ZC3H11A: variants seen among roughly 807,000 people sequenced by gnomAD.
ZC3H11A encodes zinc finger CCCH domain-containing protein 11A.
In ZC3H11A, 22 loss-of-function variants were observed where a neutral mutation model predicts 90.8. The observed-to-expected ratio is 0.24, with a 90% CI of 0.17 to 0.35. The LOEUF (loss-of-function observed/expected upper bound fraction) is 0.35, where lower values mean the gene tolerates loss of function less well. Among genes scored for constraint, ZC3H11A ranks in the 10% least tolerant of loss-of-function variants. ZC3H11A has a pLI of 1.00. For synonymous variants in ZC3H11A, 294 were observed against 339.8 expected, an observed-to-expected ratio of 0.87 and a Z score of 1.48; for missense variants, 701 against 964.9, an observed-to-expected ratio of 0.73 and a Z score of 3.62.
intron 1 of ZC3H11A, chr1:203,799,923 A>G: frequency 6.5e-7 from 1 of 1,536,150 alleles, no homozygotes; most frequent in Non-Finnish European, 8.7e-7. Context: ...AGAGGTCTGT[A>G]ATTATATGGA....
At chr1:203,810,150 T>G (rs1171776195) in intron 2 of ZC3H11A, among the ~76,000 whole-genome samples, 4 of 147,754 alleles carry the variant, frequency 2.7e-5, no homozygotes, top group Non-Finnish European at 4.5e-5. Flanking sequence ...TTGTTTTTTG[T>G]TTTTTTTTTA....
intron 16 of ZC3H11A, 85 bp downstream of exon 16, chr1:203,850,766 G>A (rs901786739): frequency 3.3e-6 from 5 of 1,517,110 alleles, no homozygotes; most frequent in Non-Finnish European, 3.6e-6. Flanking sequence ...ATTCTATCTT[G>A]AGTATATCAC....
intron 1 of ZC3H11A, chr1:203,798,550 T>G (rs1312529823): frequency 6.5e-7 from 1 of 1,536,156 alleles, no homozygotes; most frequent in East Asian, 2.4e-5. Context: ...AGTGATCTCT[T>G]GAGTGATACC....
At chr1:203,845,474 T>G (rs1018317359) in intron 12 of ZC3H11A, among the ~76,000 whole-genome samples, 2 of 152,202 alleles carry the variant, frequency 1.3e-5, no homozygotes, top group Admixed American at 6.5e-5. Context: ...ATGAAGTCTT[T>G]AGTGTGGTTG....
intron 2 of ZC3H11A, among the ~76,000 whole-genome samples, chr1:203,811,364 C>T (rs1026126486): frequency 1.4e-4 from 21 of 152,172 alleles, no homozygotes; most frequent in Non-Finnish European, 2.5e-4. Flanking sequence ...GTAAATTCTG[C>T]TGTGTCTTTG....
chr1:203,850,474 T>TCTA, intron 15 of ZC3H11A, 41 bp from the exon 16 acceptor site: 1 of 1,609,640 alleles, frequency 6.2e-7, no homozygotes, highest in Non-Finnish European at 8.5e-7. Context: ...TTTAAAAGAG[T>TCTA]CTATTCTCAC....
chr1:203,799,393 A>G (rs1264637056), intron 1 of ZC3H11A: 2 of 703,240 alleles, frequency 2.8e-6, no homozygotes, highest in Non-Finnish European at 5.2e-6. Flanking sequence ...AAGGCCCGTC[A>G]GATACTGCAA....
Position 203,847,305 on chromosome 1 carries a change from T to C in ZC3H11A, c.1164T>C (p.Thr388=). 6.2e-7 allele frequency: 1 copy of C among 1,613,786 alleles called. No individual in the cohort carries two copies. The highest frequency in any genetic ancestry group is 1.1e-5 in the South Asian group (1 of 91,066). ...TKLKTEGPSK[T]DDSTSGARSS... Reference sequence around the variant, plus strand: ...TCAAGACAGAAGGACCTTCAAAAACTGATGATTCTACTTCAGGAGCAAGAA... The same window carrying C: ...TCAAGACAGAAGGACCTTCAAAAACCGATGATTCTACTTCAGGAGCAAGAA... Residue 388 remains threonine (T), a synonymous_variant, in exon 13 of 18, where the codon ACT becomes ACC. Transcript: ENST00000367210.
intron 2 of ZC3H11A, among the ~76,000 whole-genome samples, chr1:203,805,081 A>G (rs1284588021): frequency 6.6e-6 from 1 of 151,790 alleles, no homozygotes; most frequent in Non-Finnish European, 1.5e-5. Flanking sequence ...TTCATTATTG[A>G]TTTCAAGATG....
Position 203,821,019 on chromosome 1 carries a change from C to T in ZC3H11A, c.174+2330C>T, listed in dbSNP as rs143164937. Reference sequence around the variant, plus strand: ...GAATTAATGCAAACTTGTGGTGATACGTTTGGCTCTGTATCCTCACCTGAA... The same window carrying T: ...GAATTAATGCAAACTTGTGGTGATATGTTTGGCTCTGTATCCTCACCTGAA... On this transcript the variant is annotated intron_variant, in intron 4 of 17. Transcript: ENST00000367210. Among the ~76,000 whole-genome samples, 744 of 152,222 alleles carry T rather than the reference C, an allele frequency of 4.9e-3. 6 individuals carry two copies. Among genetic ancestry groups the T allele is most frequent in the African/African-American group, 0.016 (677 of 41,534 alleles).
chr1:203,799,009 T>A, intron 1 of ZC3H11A: 1 of 1,536,172 alleles, frequency 6.5e-7, no homozygotes, highest in Non-Finnish European at 8.7e-7. Flanking sequence ...ACTGACTATT[T>A]TATTGTGACT....
intron 9 of ZC3H11A, among the ~76,000 whole-genome samples, chr1:203,832,960 G>T (rs771124466): frequency 6.6e-6 from 1 of 152,286 alleles, no homozygotes; most frequent in South Asian, 2.1e-4. Context: ...TAGGCTGTGC[G>T]CAGTGGCTTA....
At position 203,798,498 on chromosome 1, in the gene ZC3H11A, G is replaced by A. The variant is rs1178777221; in HGVS notation, c.-1588+2704G>A. On this transcript the variant is annotated intron_variant, in intron 1 of 17. Coordinates refer to ENST00000367210, the MANE Select transcript of ZC3H11A (RefSeq NM_001376342.1). Reference sequence around the variant, plus strand: ...TTGGGCTGTTGCCAACAAAGACAGTGGTGCTGTTGCAAATGGATTAGATGA... The same window carrying A: ...TTGGGCTGTTGCCAACAAAGACAGTAGTGCTGTTGCAAATGGATTAGATGA... 2.0e-6 allele frequency: 3 copies of A among 1,536,136 alleles called. No individual in the cohort carries two copies. The South Asian group carries it at 3.6e-5, about 18-fold the overall frequency.
At chr1:203,835,013 A>G (rs1473677073) in intron 10 of ZC3H11A, among the ~76,000 whole-genome samples, 1 of 152,238 alleles carries the variant, frequency 6.6e-6, no homozygotes, top group Non-Finnish European at 1.5e-5. Flanking sequence ...TGTCCTAAAA[A>G]GGAAACCTTA....
At position 203,850,677 on chromosome 1, in the gene ZC3H11A, C is replaced by T. The variant is rs763365697; in HGVS notation, c.2102C>T (p.Ala701Val). ...CAGGAACCCCCAGCCAAAAAGGCAG[C>T]TGTGGTAAGAAGTATATTCACTTTG... ...VLQEPPAKKAAVAVVPLVSED... is the reference protein window; with the variant it reads ...VLQEPPAKKAVVAVVPLVSED... Residue 701 changes from alanine to valine, a missense_variant, in exon 16 of 18, where the codon GCT becomes GTT. Ala to Val is a moderately conservative substitution (Grantham distance 64). Around this residue, in one of 4 missense-constraint regions of ZC3H11A, gnomAD observed 91 missense variants for 86.8 expected, o/e 1.05. Transcript: ENST00000367210. The T allele has an allele frequency of 6.2e-7, 1 of 1,613,562 alleles. No individual in the cohort carries two copies. Among genetic ancestry groups the T allele is most frequent in the Non-Finnish European group, 8.5e-7 (1 of 1,179,738 alleles).
At chr1:203,796,155 C>T (rs989772618) in intron 1 of ZC3H11A, 1 of 311,128 alleles carries the variant, frequency 3.2e-6, no homozygotes, top group Non-Finnish European at 5.8e-6. Flanking sequence ...CGACTGTTCC[C>T]CCGAATCCCG....
intron 2 of ZC3H11A, among the ~76,000 whole-genome samples, chr1:203,805,106 C>G (rs1333052881): frequency 6.6e-6 from 1 of 150,938 alleles, no homozygotes; most frequent in Non-Finnish European, 1.5e-5. Context: ...ATTAAGGAAA[C>G]CACAGAATCA....
intron 4 of ZC3H11A, among the ~76,000 whole-genome samples, chr1:203,824,616 C>G (rs1679881306): frequency 6.6e-6 from 1 of 151,564 alleles, no homozygotes; most frequent in African/African-American, 2.4e-5. Context: ...TGAGGCGGAA[C>G]AGAGCTCTGC....
At chr1:203,816,453 GTCTT>G (rs1056515780) in intron 2 of ZC3H11A, among the ~76,000 whole-genome samples, 7 of 152,048 alleles carry the variant, frequency 4.6e-5, no homozygotes, top group Non-Finnish European at 1.0e-4. Context: ...GCAAGATCCT[GTCTT>G]TACAAAAATT....
Sources: gnomAD v4.1 joint callset for allele counts (sites outside exome capture counted in the v4.1 genomes callset) on GRCh38, gnomAD v4.1.1 for gene constraint, gnomAD v4.1.1 regional missense constraint, MANE v1.5 for transcripts, NCBI Gene and HGNC (gene_info 2026-07-23, HGNC 2026-07-21) for gene names.